RGL1: variants seen among roughly 807,000 people sequenced by gnomAD.
RGL1 encodes ral guanine nucleotide dissociation stimulator like 1.
RGL1 carries 24 observed loss-of-function variants against 95.2 expected under a neutral mutation model. That is an observed-to-expected ratio of 0.25 (90% CI 0.18 to 0.35). The LOEUF (loss-of-function observed/expected upper bound fraction) is 0.35, where lower values mean the gene tolerates loss of function less well. RGL1 is among the 10% of genes least tolerant of loss of function. RGL1 has a pLI of 1.00. For synonymous variants in RGL1, 329 were observed against 344.9 expected (o/e 0.95, Z 0.51); for missense variants, 715 against 936.3 (o/e 0.76, Z 3.08).
chr1:183,750,513 T>G (rs1467200733), intron 2 of RGL1, among the ~76,000 whole-genome samples: 1 of 152,234 alleles, frequency 6.6e-6, no homozygotes, highest in African/African-American at 2.4e-5. Context: ...ACATGCCCCT[T>G]TAGCTGGAGG....
chr1:183,799,586 G>T (rs1421940881), intron 2 of RGL1, among the ~76,000 whole-genome samples: 1 of 152,058 alleles, frequency 6.6e-6, no homozygotes, highest in East Asian at 1.9e-4. Flanking sequence ...ACACCTGTTG[G>T]CCATTTGTCA....
At chr1:183,645,299 G>C (rs1475811025) in intron 1 of RGL1, among the ~76,000 whole-genome samples, 1 of 152,158 alleles carries the variant, frequency 6.6e-6, no homozygotes, top group Non-Finnish European at 1.5e-5. Flanking sequence ...ACCTGCTTCT[G>C]ATGAGTAAAT....
intron 1 of RGL1, among the ~76,000 whole-genome samples, chr1:183,732,704 C>T (rs1656699305): frequency 6.6e-6 from 1 of 152,160 alleles, no homozygotes; most frequent in South Asian, 2.1e-4. Context: ...TGATGAACAG[C>T]TGGTGCTATT....
intron 1 of RGL1, among the ~76,000 whole-genome samples, chr1:183,719,102 T>TTTA (rs1411537439): frequency 6.6e-6 from 1 of 152,228 alleles, no homozygotes; most frequent in Non-Finnish European, 1.5e-5. Flanking sequence ...TGAACTCTAT[T>TTTA]ATCTTTCATA....
intron 1 of RGL1, among the ~76,000 whole-genome samples, chr1:183,678,548 T>A (rs1231570130): frequency 6.6e-6 from 1 of 152,154 alleles, no homozygotes; most frequent in Non-Finnish European, 1.5e-5. Context: ...TCTCTCTCAC[T>A]TGTGTTTTGT....
At position 183,928,126 on chromosome 1, in the gene RGL1, T is replaced by C. The variant is rs1018571946; in HGVS notation, c.*1834T>C. The stretch of plus-strand genomic sequence containing the variant: ...GTGGCAGCCCTCATGCAGGTTGAAG[T>C]ATATGTAGCCTCAGCCTGATATTCT... On this transcript the variant is annotated 3_prime_UTR_variant, in exon 18 of 18. Transcript: ENST00000360851. 6.6e-6 allele frequency: 1 copy of C among 151,562 alleles called. No individual in the cohort carries two copies. The highest frequency in any genetic ancestry group is 1.5e-5 in the Non-Finnish European group (1 of 67,868). 9.4% of individuals were successfully genotyped at this position (151,562 alleles called of 1,614,324 possible). A position where few individuals can be genotyped will look rare whatever the true frequency, so the allele number is the denominator to read the frequency against.
intron 3 of RGL1, among the ~76,000 whole-genome samples, chr1:183,865,497 G>A (rs1409351703): frequency 2.0e-5 from 3 of 152,020 alleles, no homozygotes; most frequent in Admixed American, 6.5e-5. Flanking sequence ...CCTCTACAAC[G>A]GACTTATTTT....
At chr1:183,895,827 A>G (rs1028710604) in intron 9 of RGL1, among the ~76,000 whole-genome samples, 2 of 152,144 alleles carry the variant, frequency 1.3e-5, no homozygotes, top group African/African-American at 4.8e-5. Flanking sequence ...TCTAGCAGGG[A>G]TGGAATCTCA....
chr1:183,638,644 C>T lies in RGL1; in HGVS notation c.-33+2143C>T, dbSNP rs138447337. 5.3e-3 allele frequency among the ~76,000 whole-genome samples: 801 copies of T among 152,198 alleles called. 6 individuals are homozygous for T. The highest frequency in any genetic ancestry group is 0.018 in the African/African-American group (756 of 41,536). ...TAAATTTTTAATGTTAATCATGATACTTAATTCATCTTAGGTAATATTATT... is the reference window on the plus strand; with the variant it reads ...TAAATTTTTAATGTTAATCATGATATTTAATTCATCTTAGGTAATATTATT... On this transcript the variant is annotated intron_variant, in intron 1 of 18. Transcript: ENST00000304685.
chr1:183,900,785 C>T (rs530079532), intron 11 of RGL1, among the ~76,000 whole-genome samples: 44 of 151,584 alleles, frequency 2.9e-4, no homozygotes, highest in Non-Finnish European at 4.9e-4. Flanking sequence ...GGATTACAGG[C>T]GTTGAGCCAC....
intron 3 of RGL1, among the ~76,000 whole-genome samples, chr1:183,858,234 T>G (rs966239625): frequency 1.3e-5 from 2 of 152,152 alleles, no homozygotes; most frequent in African/African-American, 2.4e-5. Flanking sequence ...AAAGCAGTGG[T>G]TTTGACCATT....
At chr1:183,899,986 C>T (rs1171555906) in intron 10 of RGL1, among the ~76,000 whole-genome samples, 164 bp from the exon 11 acceptor site, 3 of 152,214 alleles carry the variant, frequency 2.0e-5, no homozygotes, top group African/African-American at 7.2e-5. Flanking sequence ...CATGGAGTTT[C>T]TATCCTATTT....
At chr1:183,851,655 G>A (rs1664832830) in intron 3 of RGL1, among the ~76,000 whole-genome samples, 1 of 152,180 alleles carries the variant, frequency 6.6e-6, no homozygotes, top group Non-Finnish European at 1.5e-5. Flanking sequence ...GATGAAACAG[G>A]ATATAGAAGT....
chr1:183,695,412 A>G (rs1654196024), intron 1 of RGL1, among the ~76,000 whole-genome samples: 1 of 152,244 alleles, frequency 6.6e-6, no homozygotes, highest in Admixed American at 6.5e-5. Context: ...AAGCATTTTT[A>G]ATGAATGCTT....
intron 1 of RGL1, among the ~76,000 whole-genome samples, chr1:183,689,251 C>T (rs1653797360): frequency 6.6e-6 from 1 of 151,994 alleles, no homozygotes; most frequent in Non-Finnish European, 1.5e-5. Flanking sequence ...ATATATATTC[C>T]CATTACTTAG....
At chr1:183,778,329 A>G (rs556287822) in intron 2 of RGL1, among the ~76,000 whole-genome samples, 1 of 152,348 alleles carries the variant, frequency 6.6e-6, no homozygotes, top group Admixed American at 6.5e-5. Context: ...GTACTATAGG[A>G]TAGGAAAGAA....
chr1:183,908,071 C>CAT (rs1440391030), intron 14 of RGL1, among the ~76,000 whole-genome samples: 8 of 152,082 alleles, frequency 5.3e-5, no homozygotes, highest in South Asian at 2.1e-4. Flanking sequence ...TATACACATA[C>CAT]ATATATATAT....
intron 4 of RGL1, among the ~76,000 whole-genome samples, chr1:183,869,090 C>T (rs1666011345): frequency 6.6e-6 from 1 of 152,104 alleles, no homozygotes; most frequent in Admixed American, 6.5e-5. Flanking sequence ...TGCACTCCAG[C>T]CTGGGCAACA....
At chr1:183,840,166 T>C (rs567550754) in intron 2 of RGL1, among the ~76,000 whole-genome samples, 1 of 152,274 alleles carries the variant, frequency 6.6e-6, no homozygotes, top group South Asian at 2.1e-4. Context: ...AGGACCCCTA[T>C]GGAATGAGGG....
Sources: allele counts gnomAD v4.1 joint callset (sites outside exome capture counted in the v4.1 genomes callset), GRCh38; gene constraint gnomAD v4.1.1; transcripts MANE v1.5; gene names NCBI Gene and HGNC (gene_info 2026-07-23, HGNC 2026-07-21).